The following INSL6 variants were observed in gnomAD, a reference collection of about 807,000 sequenced individuals.
INSL6 encodes insulin-like peptide INSL6.
A neutral mutation model predicts 9.4 loss-of-function variants in INSL6; 16 were observed. The observed-to-expected ratio is 1.70, with a 90% CI of 1.15 to 2.59. The LOEUF (loss-of-function observed/expected upper bound fraction) is 2.59, where lower values mean the gene tolerates loss of function less well. Ranked by LOEUF, INSL6 falls within the 30% of genes most tolerant of loss-of-function variation. The pLI is 0.00. For missense variants in INSL6, 391 were observed against 257.3 expected, an observed-to-expected ratio of 1.52 and a Z score of -3.56; for synonymous variants, 154 against 96.9, an observed-to-expected ratio of 1.59 and a Z score of -3.46.
chr9:5,117,277 A>T, the INSL6 span, among the ~76,000 whole-genome samples: 1 of 152,212 alleles, frequency 6.6e-6, no homozygotes, highest in Non-Finnish European at 1.5e-5. Flanking sequence ...CGCCCAGTAC[A>T]TCATGTTAAT....
intron 1 of INSL6, among the ~76,000 whole-genome samples, chr9:5,167,330 G>A (rs1013960057): frequency 2.0e-5 from 3 of 152,222 alleles, no homozygotes; most frequent in African/African-American, 7.2e-5. Flanking sequence ...ACTGATGGTG[G>A]CTGCTGAGGT....
chr9:5,065,843 C>G, the INSL6 span, among the ~76,000 whole-genome samples: 2 of 152,016 alleles, frequency 1.3e-5, no homozygotes, highest in Non-Finnish European at 2.9e-5. Flanking sequence ...TTTAACCTAC[C>G]CCTAAATATT....
chr9:5,089,743 G>A, the INSL6 span: 2 of 1,583,162 alleles, frequency 1.3e-6, no homozygotes, highest in Non-Finnish European at 1.7e-6. Context: ...GGTGGTCGCT[G>A]TAAAAAAGCT....
chr9:5,050,941 G>A, the INSL6 span: 2 of 870,672 alleles, frequency 2.3e-6, no homozygotes, highest in African/African-American at 1.7e-5. Context: ...TACTAGTTAA[G>A]TACTCCTTAT....
chr9:5,095,649 A>C, the INSL6 span, among the ~76,000 whole-genome samples: 1 of 152,070 alleles, frequency 6.6e-6, no homozygotes, highest in East Asian at 1.9e-4. Flanking sequence ...TCTCAATTAT[A>C]TTTCAAATTT....
At chr9:5,159,912 C>T (rs751606918), downstream of INSL6, among the ~76,000 whole-genome samples, 2 of 152,176 alleles carry the variant, frequency 1.3e-5, no homozygotes, top group African/African-American at 4.8e-5. Flanking sequence ...TGGCTCACGC[C>T]GCCTGTAATC....
chr9:5,141,274 T>C (rs1306521961), intron 2 of INSL6, among the ~76,000 whole-genome samples: 1 of 152,218 alleles, frequency 6.6e-6, no homozygotes, highest in Non-Finnish European at 1.5e-5. Flanking sequence ...CTTTGAGGAA[T>C]AGCCACCCTG....
the INSL6 span, chr9:5,050,981 G>C: frequency 1.3e-6 from 1 of 747,000 alleles, no homozygotes; most frequent in Non-Finnish European, 2.1e-6. Context: ...AAATGCTTCA[G>C]ATTTTGGATA....
intron 2 of INSL6, among the ~76,000 whole-genome samples, chr9:5,141,436 C>T (rs775697799): frequency 3.9e-5 from 6 of 152,174 alleles, no homozygotes; most frequent in Non-Finnish European, 7.4e-5. Flanking sequence ...TTATGATTTA[C>T]GTTTCTCTAA....
At chr9:4,994,815 A>G in the INSL6 span, among the ~76,000 whole-genome samples, 2 of 152,192 alleles carry the variant, frequency 1.3e-5, no homozygotes, top group African/African-American at 4.8e-5. Flanking sequence ...CCTTTGGAAC[A>G]AAACTCTCTG....
At chr9:5,145,680 T>C (rs1824589086) in intron 2 of INSL6, among the ~76,000 whole-genome samples, 1 of 152,194 alleles carries the variant, frequency 6.6e-6, no homozygotes, top group African/African-American at 2.4e-5. Context: ...TCTCTATTCT[T>C]GTCTACCTGC....
chr9:5,176,579 T>A (rs1024836880), intron 1 of INSL6, among the ~76,000 whole-genome samples: 1 of 152,060 alleles, frequency 6.6e-6, no homozygotes, highest in Non-Finnish European at 1.5e-5. Context: ...CAGCCCTATT[T>A]ACGATGATTA....
chr9:5,175,165 C>G lies in INSL6; in HGVS notation c.289+10149G>C, dbSNP rs527562385. Among the ~76,000 whole-genome samples, 4 of 152,228 alleles carry G rather than the reference C, an allele frequency of 2.6e-5. No individual in the cohort carries two copies. The East Asian group carries it at 7.7e-4, about 29-fold the overall frequency. The stretch of plus-strand genomic sequence containing the variant: ...ACGTGTTAGCCAGGATGGTCTCGAT[C>G]TCCTGACCTCATGATCCACCTGCCT... On this transcript the variant is annotated intron_variant, in intron 1 of 1. Transcript: ENST00000381641.
chr9:5,080,958 C>CT, the INSL6 span, among the ~76,000 whole-genome samples: 24 of 140,452 alleles, frequency 1.7e-4, no homozygotes, highest in Admixed American at 1.3e-3. Context: ...TGCAGTGGCG[C>CT]GATCTCGGCT....
chr9:5,109,457 G>A, the INSL6 span: 1 of 152,052 alleles, frequency 6.6e-6, no homozygotes, highest in Non-Finnish European at 1.5e-5. Context: ...TTGGCCTTAG[G>A]AACCAAAAAC....
chr9:5,040,560 CATAT>C, the INSL6 span, among the ~76,000 whole-genome samples: 1 of 152,236 alleles, frequency 6.6e-6, no homozygotes, highest in Non-Finnish European at 1.5e-5. Flanking sequence ...GTTTGGGAAT[CATAT>C]ATCTGATAAT....
the INSL6 span, among the ~76,000 whole-genome samples, chr9:5,083,308 A>T: frequency 6.6e-6 from 1 of 152,182 alleles, no homozygotes. Context: ...CCTACATATT[A>T]TAAGTAAGAC....
At chr9:5,027,855 C>T in the INSL6 span, among the ~76,000 whole-genome samples, 1 of 152,184 alleles carries the variant, frequency 6.6e-6, no homozygotes, top group Non-Finnish European at 1.5e-5. Context: ...AATTCAGTCA[C>T]GTCTTCAAGC....
At chr9:5,069,023 G>T in the INSL6 span, 1 of 1,559,414 alleles carries the variant, frequency 6.4e-7, no homozygotes. Context: ...CTTATACAGC[G>T]AGAAAATGTC....
Sources: allele counts gnomAD v4.1 joint callset (sites outside exome capture counted in the v4.1 genomes callset), GRCh38; gene constraint gnomAD v4.1.1; transcripts MANE v1.5; gene names NCBI Gene and HGNC (gene_info 2026-07-23, HGNC 2026-07-21).